IMMP2L: variants seen among roughly 807,000 people sequenced by gnomAD.
The protein encoded by IMMP2L is inner mitochondrial membrane peptidase subunit 2, also known as mitochondrial inner membrane protease subunit 2.
Under a neutral mutation model 19.3 loss-of-function variants are expected in IMMP2L, and 18 were observed. The observed-to-expected ratio is 0.93, with a 90% CI of 0.64 to 1.38. IMMP2L has a LOEUF of 1.38. Ranked by LOEUF, IMMP2L falls within the 40% of genes most tolerant of loss-of-function variation. IMMP2L has a pLI of 0.00. For missense variants in IMMP2L, 233 were observed against 218.2 expected (o/e 1.07, Z -0.43); for synonymous variants, 76 against 73.0 (o/e 1.04, Z -0.21).
At chr7:110,937,877 C>T (rs1225914333) in intron 4 of IMMP2L, among the ~76,000 whole-genome samples, 1 of 152,150 alleles carries the variant, frequency 6.6e-6, no homozygotes, top group Non-Finnish European at 1.5e-5. Flanking sequence ...GCATACAAAG[C>T]CACTGCCAAT....
intron 3 of IMMP2L, among the ~76,000 whole-genome samples, chr7:110,985,852 A>T (rs959733464): frequency 6.6e-6 from 1 of 152,196 alleles, no homozygotes; most frequent in Non-Finnish European, 1.5e-5. Flanking sequence ...AAGGAGAAGA[A>T]TTACATTAGA....
chr7:111,035,375 A>G (rs2129569721), intron 3 of IMMP2L, among the ~76,000 whole-genome samples: 1 of 152,334 alleles, frequency 6.6e-6, no homozygotes, highest in Non-Finnish European at 1.5e-5. Context: ...AAGAAATAGA[A>G]GATAACTCTA....
At chr7:111,210,532 CTACCATTGGAAAGAAAT>C (rs1811196270) in intron 3 of IMMP2L, among the ~76,000 whole-genome samples, 1 of 152,088 alleles carries the variant, frequency 6.6e-6, no homozygotes, top group African/African-American at 2.4e-5. Context: ...TATCTTCTCA[CTACCATTGGAAAGAAAT>C]ATTTCTCTTT....
At chr7:110,839,836 T>G (rs1482142905) in intron 5 of IMMP2L, among the ~76,000 whole-genome samples, 2 of 152,094 alleles carry the variant, frequency 1.3e-5, no homozygotes, top group Non-Finnish European at 2.9e-5. Context: ...ATTAGAACAT[T>G]TAAAGACTAT....
chr7:110,841,154 G>A (rs2131448300), intron 5 of IMMP2L, among the ~76,000 whole-genome samples: 1 of 151,918 alleles, frequency 6.6e-6, no homozygotes, highest in South Asian at 2.1e-4. Flanking sequence ...ATAACACACG[G>A]TTTCCTTTTT....
intron 3 of IMMP2L, among the ~76,000 whole-genome samples, chr7:111,325,666 C>T (rs1257803499): frequency 6.6e-6 from 1 of 151,482 alleles, no homozygotes; most frequent in African/African-American, 2.4e-5. Flanking sequence ...ACAAAAAAAT[C>T]CTTGAAGTGA....
chr7:110,964,812 T>G (rs1194648157), intron 3 of IMMP2L, among the ~76,000 whole-genome samples: 1 of 151,952 alleles, frequency 6.6e-6, no homozygotes, highest in Non-Finnish European at 1.5e-5. Flanking sequence ...CAACATCTCT[T>G]TCATGGATCA....
chr7:111,023,936 G>A (rs1242858035), intron 3 of IMMP2L, among the ~76,000 whole-genome samples: 2 of 152,152 alleles, frequency 1.3e-5, no homozygotes, highest in African/African-American at 4.8e-5. Flanking sequence ...AGAAATAGGT[G>A]AATAGTCCAG....
intron 2 of IMMP2L, among the ~76,000 whole-genome samples, chr7:111,487,942 A>G (rs1427057989): frequency 6.6e-6 from 1 of 152,152 alleles, no homozygotes; most frequent in Non-Finnish European, 1.5e-5. Flanking sequence ...TAGGATTCAG[A>G]GAAGTCTAAC....
At chr7:111,553,119 T>C (rs1018818516) in intron 1 of IMMP2L, among the ~76,000 whole-genome samples, 6 of 152,110 alleles carry the variant, frequency 3.9e-5, no homozygotes, top group Non-Finnish European at 8.8e-5. Flanking sequence ...CAAACAATCA[T>C]TGTTGTTTTC....
chr7:111,159,739 T>C (rs753573226), intron 3 of IMMP2L, among the ~76,000 whole-genome samples: 36 of 152,102 alleles, frequency 2.4e-4, no homozygotes, highest in Non-Finnish European at 3.7e-4. Flanking sequence ...ATATGTAATA[T>C]TAAGTTTTCT....
intron 4 of IMMP2L, among the ~76,000 whole-genome samples, chr7:110,913,669 G>C (rs966996011): frequency 2.6e-5 from 4 of 152,152 alleles, no homozygotes; most frequent in Admixed American, 2.6e-4. Context: ...AACTTGCTAA[G>C]TAATGATACC....
intron 3 of IMMP2L, among the ~76,000 whole-genome samples, chr7:111,337,611 TA>T (rs1338903934): frequency 6.6e-6 from 1 of 151,610 alleles, no homozygotes; most frequent in Non-Finnish European, 1.5e-5. Context: ...TCAAATTAGT[TA>T]AACCTAGAGT....
intron 3 of IMMP2L, among the ~76,000 whole-genome samples, chr7:111,331,561 C>T (rs1426695852): frequency 2.6e-5 from 4 of 151,712 alleles, no homozygotes; most frequent in African/African-American, 9.7e-5. Flanking sequence ...GAGTAACATT[C>T]AAATGTTCTC....
chr7:111,063,959 T>C (rs1794261513), intron 3 of IMMP2L, among the ~76,000 whole-genome samples: 1 of 152,226 alleles, frequency 6.6e-6, no homozygotes, highest in African/African-American at 2.4e-5. Flanking sequence ...CCTTTGCTTG[T>C]TACCCAGTTC....
chr7:111,544,663 T>A (rs939900102), intron 1 of IMMP2L, among the ~76,000 whole-genome samples: 2 of 152,108 alleles, frequency 1.3e-5, no homozygotes, highest in African/African-American at 4.8e-5. Flanking sequence ...ATCGAAAAGG[T>A]GGCCTTTGTA....
intron 1 of IMMP2L, among the ~76,000 whole-genome samples, chr7:111,548,254 T>C (rs1195459510): frequency 6.6e-6 from 1 of 151,966 alleles, no homozygotes; most frequent in East Asian, 1.9e-4. Flanking sequence ...ATTCAAAAAA[T>C]AAAGTTTGTT....
intron 3 of IMMP2L, among the ~76,000 whole-genome samples, chr7:111,128,797 G>A (rs942957185): frequency 2.6e-5 from 4 of 152,194 alleles, no homozygotes; most frequent in African/African-American, 7.2e-5. Context: ...TGCATGCCAC[G>A]CTGGCAACAG....
intron 3 of IMMP2L, among the ~76,000 whole-genome samples, chr7:111,268,569 CTTTTTT>C (rs762576425): frequency 4.7e-4 from 21 of 44,580 alleles, no homozygotes; most frequent in African/African-American, 6.1e-4. Context: ...TCACATTTCT[CTTTTTT>C]TTTTTTTTTT....
Sources: allele counts gnomAD v4.1 joint callset (sites outside exome capture counted in the v4.1 genomes callset), GRCh38; gene constraint gnomAD v4.1.1; transcripts MANE v1.5; gene names NCBI Gene and HGNC (gene_info 2026-07-23, HGNC 2026-07-21).